Variants in NEK3 observed in about 807,000 individuals in gnomAD.
NEK3 encodes the protein NIMA related kinase 3.
Under a neutral mutation model 66.0 loss-of-function variants are expected in NEK3, and 54 were observed. The ratio of observed to expected loss-of-function variants is 0.82; its 90% confidence interval spans 0.66 to 1.03. The LOEUF is 1.03. Ranked by LOEUF, NEK3 falls within the 50% of genes least tolerant of loss-of-function variation. The probability of loss-of-function intolerance (pLI) is 0.00; values close to 1 mark genes in which losing one functional copy is unlikely to be tolerated. For synonymous variants in NEK3, 200 were observed against 206.2 expected, an observed-to-expected ratio of 0.97 and a Z score of 0.26; for missense variants, 593 against 603.0, an observed-to-expected ratio of 0.98 and a Z score of 0.17.
intron 10 of NEK3, among the ~76,000 whole-genome samples, chr13:52,141,642 G>A (rs1458925914): frequency 6.6e-6 from 1 of 152,130 alleles, no homozygotes; most frequent in Non-Finnish European, 1.5e-5. Context: ...ATACAAGAGT[G>A]AGCAAATCAG....
chr13:52,145,017 G>A (rs1026356984), intron 8 of NEK3, 126 bp from the exon 9 acceptor site: 1 of 680,196 alleles, frequency 1.5e-6, no homozygotes, highest in Non-Finnish European at 2.5e-6. Context: ...TCTTTCTAGA[G>A]GTGTCCTTAA....
intron 8 of NEK3, among the ~76,000 whole-genome samples, chr13:52,146,110 G>A (rs768800444): frequency 1.3e-5 from 2 of 151,992 alleles, no homozygotes; most frequent in Non-Finnish European, 2.9e-5. Flanking sequence ...AATAATTTCT[G>A]CTTGTCGAAT....
intron 13 of NEK3, 57 bp downstream of exon 13, chr13:52,136,059 A>C (rs1436890782): frequency 6.3e-7 from 1 of 1,595,230 alleles, no homozygotes; most frequent in Non-Finnish European, 8.6e-7. Context: ...AAGTGCACTA[A>C]GTAACTATTA....
chr13:52,148,727 G>C (rs532191710), intron 7 of NEK3, among the ~76,000 whole-genome samples: 8 of 152,110 alleles, frequency 5.3e-5, no homozygotes, highest in Non-Finnish European at 1.0e-4. Flanking sequence ...TAGCAAGAGG[G>C]AATATTTGCG....
chr13:52,153,892 T>C lies in NEK3; in HGVS notation c.309+3A>G, dbSNP rs1461911224. 1.3e-6 allele frequency: 2 copies of C among 1,596,160 alleles called. No homozygotes were observed. The highest frequency in any genetic ancestry group is 3.3e-5 in the Admixed American group (2 of 59,978). On this transcript the variant is annotated splice_donor_region_variant and intron_variant, in intron 4 of 15. Coordinates refer to ENST00000610828, the MANE Select transcript of NEK3 (RefSeq NM_002498.3). ...AGAGAAACTATGTAAGTCAATCTCT[T>C]ACCATGTCTTCAGGAAATAACTTTC...
chr13:52,155,756 A>C (rs1956389828), intron 2 of NEK3, among the ~76,000 whole-genome samples: 1 of 152,200 alleles, frequency 6.6e-6, no homozygotes, highest in Non-Finnish European at 1.5e-5. Context: ...AGCTTACTGC[A>C]ACCTCTGCCT....
intron 2 of NEK3, among the ~76,000 whole-genome samples, chr13:52,155,562 T>C (rs1428457753): frequency 2.0e-5 from 3 of 152,252 alleles, no homozygotes; most frequent in Admixed American, 6.5e-5. Context: ...TTTTCTCCCA[T>C]TGTTAATTAC....
chr13:52,143,584 A>G (rs1420773949), intron 10 of NEK3, among the ~76,000 whole-genome samples: 2 of 152,220 alleles, frequency 1.3e-5, no homozygotes, highest in African/African-American at 4.8e-5. Flanking sequence ...GATTAGTGCT[A>G]TATTTTCATG....
rs1435026658 is a variant in NEK3 at position 52,154,183 on chromosome 13, C to T, written c.118-10G>A. On this transcript the variant is annotated splice_polypyrimidine_tract_variant and intron_variant, in intron 2 of 15. Transcript: ENST00000610828. ...GTGTATTAGAGAAAGACTAGAAAAACATTTTAAATAAGCATAAACTTAATA... is the reference window on the plus strand; with the variant it reads ...GTGTATTAGAGAAAGACTAGAAAAATATTTTAAATAAGCATAAACTTAATA... 1 of 1,533,888 alleles carries T rather than the reference C, an allele frequency of 6.5e-7. No homozygotes were observed. The highest frequency in any genetic ancestry group is 1.9e-5 in the Admixed American group (1 of 54,004).
rs185823525 is a variant in NEK3, at chr13:52,133,339, C to T, written c.1437-113G>A. On this transcript the variant is annotated intron_variant, in intron 15 of 15. Coordinates refer to ENST00000610828, the MANE Select transcript of NEK3 (RefSeq NM_002498.3). ...TACTTAAGCTTTTGAAAATTGAGTT[C>T]CATAAGGCAACTGAAGGGAAAAAAT... 1,141 of 899,046 alleles carry T rather than the reference C, an allele frequency of 1.3e-3. 2 individuals are homozygous for T. The highest frequency in any genetic ancestry group is 1.8e-3 in the Non-Finnish European group (1,038 of 583,954). The allele number at this position is 899,046 out of a possible 1,614,324, so 55.7% of individuals were successfully genotyped here.
At chr13:52,143,573 A>C (rs1250397607) in intron 10 of NEK3, among the ~76,000 whole-genome samples, 1 of 152,204 alleles carries the variant, frequency 6.6e-6, no homozygotes, top group Non-Finnish European at 1.5e-5. Context: ...TTTTCCTACA[A>C]GATTAGTGCT....
chr13:52,143,867 T>A (rs754074120), intron 10 of NEK3, 48 bp downstream of exon 10: 1 of 921,694 alleles, frequency 1.1e-6, no homozygotes, highest in East Asian at 2.7e-5. Context: ...TGTTACAGTA[T>A]ATTTTTAAAA....
rs1956280206 is a variant in NEK3 at position 52,144,741 on chromosome 13, G to A, written c.754C>T (p.Leu252Phe). ...AGCCGAGCTACGATGCCTCGAGAGA[G>A]AAGCGTTGTAGCCGAGGGGCGATGT... The part of the protein sequence containing the change: ...PSHRPSATTL[L>F]SRGIVARLVQ... The change falls in exon 9 of 16, where the codon CTC becomes TTC. Residue 252 changes from leucine to phenylalanine, a missense_variant. Leu to Phe is a conservative substitution (Grantham distance 22). Transcript: ENST00000610828. 6.2e-7 allele frequency: 1 copy of A among 1,613,942 alleles called. No homozygotes were observed. The highest frequency in any genetic ancestry group is 8.5e-7 in the Non-Finnish European group (1 of 1,179,886).
Position 52,144,892 on chromosome 13 carries a change from C to T in NEK3, c.604-1G>A. On this transcript the variant is annotated splice_acceptor_variant, in intron 8 of 15. Coordinates refer to ENST00000610828, the MANE Select transcript of NEK3 (RefSeq NM_002498.3). LOFTEE classifies it high-confidence loss of function. ...GATTTTTCCAACTATTTGCCTGAAA[C>T]TGAAAAGGAAAATTGAACTTTACAA... 1 of 1,590,640 alleles carries T rather than the reference C, an allele frequency of 6.3e-7. No homozygotes were observed. Among genetic ancestry groups the T allele is most frequent in the Non-Finnish European group, 8.6e-7 (1 of 1,167,410 alleles).
At chr13:52,150,378 G>A (rs1167044052) in intron 7 of NEK3, among the ~76,000 whole-genome samples, 5 of 152,144 alleles carry the variant, frequency 3.3e-5, no homozygotes, top group Non-Finnish European at 7.3e-5. Context: ...AATTTATGAA[G>A]AGTTTAAGTA....
intron 7 of NEK3, 93 bp downstream of exon 7, chr13:52,151,053 C>G: frequency 1.1e-6 from 1 of 908,698 alleles, no homozygotes; most frequent in Non-Finnish European, 1.7e-6. Context: ...ATCCATGCAT[C>G]TGTTTTGAAG....
Position 52,136,256 on chromosome 13 carries a change from T to G in NEK3, c.1034A>C (p.Asn345Thr). The G allele has an allele frequency of 6.2e-7, 1 of 1,613,556 alleles. No individual in the cohort carries two copies. The highest frequency in any genetic ancestry group is 8.5e-7 in the Non-Finnish European group (1 of 1,179,620). ...GGCTTTCCTCAGATGGACTGACTTA[T>G]TACCTGATTTTAAAGTGTGAAAAAG... ...LRRVNREEKG[N>T]KSVHLRKASS... Residue 345 changes from asparagine to threonine, a missense_variant, in exon 13 of 16, where the codon AAT becomes ACT. Coordinates refer to ENST00000610828, the MANE Select transcript of NEK3 (RefSeq NM_002498.3).
chr13:52,137,970 C>T (rs1956218361), intron 11 of NEK3, among the ~76,000 whole-genome samples: 1 of 152,182 alleles, frequency 6.6e-6, no homozygotes, highest in Non-Finnish European at 1.5e-5. Flanking sequence ...CAAACTATAG[C>T]GTGTGGGCAC....
At chr13:52,155,851 T>A (rs1226269646) in intron 2 of NEK3, among the ~76,000 whole-genome samples, 1 of 151,926 alleles carries the variant, frequency 6.6e-6, no homozygotes, top group African/African-American at 2.4e-5. Flanking sequence ...TAATTTTTTT[T>A]TTATTATTTT....
Sources: allele counts gnomAD v4.1 joint callset (sites outside exome capture counted in the v4.1 genomes callset), GRCh38; gene constraint gnomAD v4.1.1; transcripts MANE v1.5; gene names NCBI Gene and HGNC (gene_info 2026-07-23, HGNC 2026-07-21).